The following PPP2R2C variants were observed in gnomAD, a reference collection of about 807,000 sequenced individuals.
The protein encoded by PPP2R2C is protein phosphatase 2, regulatory subunit B, gamma.
A neutral mutation model predicts 45.3 loss-of-function variants in PPP2R2C; 10 were observed. That is an observed-to-expected ratio of 0.22 (90% confidence interval 0.14 to 0.37). The LOEUF (loss-of-function observed/expected upper bound fraction) is 0.37, where lower values mean the gene tolerates loss of function less well. Ranked by LOEUF, PPP2R2C falls within the 10% of genes least tolerant of loss-of-function variation. The pLI is 1.00. For missense variants in PPP2R2C, 308 were observed against 619.7 expected (o/e 0.50, Z 5.34); for synonymous variants, 257 against 245.4 (o/e 1.05, Z -0.44).
intron 5 of PPP2R2C, among the ~76,000 whole-genome samples, chr4:6,353,377 G>GTCCCCATACTGACAGCC (rs1553886711): frequency 5.0e-4 from 9 of 18,000 alleles, no homozygotes; most frequent in African/African-American, 1.9e-3. Flanking sequence ...CCAACCAACA[G>GTCCCCATACTGACAGCC]CCCCCACACT....
chr4:6,329,176 G>A lies in PPP2R2C; in HGVS notation c.1052+86C>T, dbSNP rs1363914106. On this transcript the variant is annotated intron_variant, in intron 8 of 8. Transcript: ENST00000382599. This position sits in a 1 kb window ranked among gnomAD's most constrained non-coding sequence, Gnocchi z 5.8. ...TTGAGGCTGAGTAGCCCCATGCTGC[G>A]GGTCACCGGAATCCCAGCCCAGACC... is the stretch of plus-strand genomic sequence containing the variant. The A allele has an allele frequency of 1.3e-5, 17 of 1,288,268 alleles. No individual in the cohort carries two copies. Among genetic ancestry groups the A allele is most frequent in the East Asian group, 9.7e-5 (4 of 41,432 alleles). 79.8% of individuals were successfully genotyped at this position (1,288,268 alleles called of 1,614,324 possible).
At chr4:6,335,930 C>A (rs56342727) in intron 6 of PPP2R2C, among the ~76,000 whole-genome samples, 2 of 151,888 alleles carry the variant, frequency 1.3e-5, no homozygotes, top group Non-Finnish European at 2.9e-5. Context: ...GATCTATATC[C>A]CTGTCCTTAG....
At chr4:6,493,142 G>A (rs1163043774) in intron 2 of PPP2R2C, among the ~76,000 whole-genome samples, 1 of 152,026 alleles carries the variant, frequency 6.6e-6, no homozygotes, top group African/African-American at 2.4e-5. Context: ...TGACTCAAAT[G>A]TCACCTTCCT....
At chr4:6,323,703 C>T (rs981132236) in intron 8 of PPP2R2C, 110 bp from the exon 9 acceptor site, 23 of 1,151,702 alleles carry the variant, frequency 2.0e-5, no homozygotes, top group Middle Eastern at 5.6e-4. Context: ...TGGGAGGCCC[C>T]GGTGGGAGGA....
At chr4:6,437,083 C>T (rs554215732) in intron 1 of PPP2R2C, among the ~76,000 whole-genome samples, 3 of 152,200 alleles carry the variant, frequency 2.0e-5, no homozygotes, top group African/African-American at 4.8e-5. Context: ...CTTGCCAGCA[C>T]GCCACAGTCC....
intron 2 of PPP2R2C, among the ~76,000 whole-genome samples, chr4:6,528,529 G>C (rs1724289636): frequency 7.2e-6 from 1 of 139,020 alleles, no homozygotes; most frequent in African/African-American, 2.9e-5. Context: ...TGGCGTCTGA[G>C]AGCCAGTGTG....
intron 2 of PPP2R2C, among the ~76,000 whole-genome samples, chr4:6,529,169 T>C (rs986029449): frequency 3.9e-5 from 6 of 152,224 alleles, no homozygotes; most frequent in Admixed American, 6.5e-5. Flanking sequence ...CCTGAACATC[T>C]GGCAGCCTCA....
Position 6,350,652 on chromosome 4 carries a change from A to G in PPP2R2C, c.626-2642T>C, listed in dbSNP as rs530830610. 1.3e-5 allele frequency: 12 copies of G among 926,570 alleles called. No homozygotes were observed. The East Asian group carries it at 1.7e-3, about 131-fold the overall frequency. The allele number at this position is 926,570 out of a possible 1,614,324, so 57.4% of individuals were successfully genotyped here. A position where few individuals can be genotyped will look rare whatever the true frequency, so the allele number is the denominator to read the frequency against. ...TGCTGACACCCAGGGGGTTCTCTGA[A>G]CATTCCAGGTTCTCTCCCAAGGGGA... On this transcript the variant is annotated intron_variant, in intron 5 of 8. Coordinates refer to ENST00000382599, the MANE Select transcript of PPP2R2C (RefSeq NM_020416.4).
intron 1 of PPP2R2C, among the ~76,000 whole-genome samples, chr4:6,400,565 C>T (rs989440969): frequency 2.6e-5 from 4 of 152,254 alleles, no homozygotes; most frequent in Middle Eastern, 3.4e-3. Flanking sequence ...AACCATTGCC[C>T]TAAAAGTACA....
chr4:6,475,082 C>T (rs1403318918), upstream of PPP2R2C, among the ~76,000 whole-genome samples: 1 of 152,220 alleles, frequency 6.6e-6, no homozygotes, highest in Non-Finnish European at 1.5e-5. Context: ...GCTCTGCTCT[C>T]GTGGAGCTGG....
chr4:6,362,453 G>A (rs907905109), intron 5 of PPP2R2C, among the ~76,000 whole-genome samples: 6 of 152,204 alleles, frequency 3.9e-5, no homozygotes, highest in Admixed American at 1.3e-4. Context: ...CAGGGCAAAC[G>A]TGAGGACTGC....
intron 1 of PPP2R2C, among the ~76,000 whole-genome samples, chr4:6,400,965 A>G (rs1560517329): frequency 6.6e-6 from 1 of 152,230 alleles, no homozygotes; most frequent in Non-Finnish European, 1.5e-5. Context: ...CTCCATTCAT[A>G]TAGACAGTGT....
intron 1 of PPP2R2C, among the ~76,000 whole-genome samples, chr4:6,537,236 A>G (rs1280138154): frequency 1.3e-5 from 2 of 152,166 alleles, no homozygotes; most frequent in Non-Finnish European, 2.9e-5. Flanking sequence ...CAAAGGGGAA[A>G]AAATCAAGGT....
At chr4:6,521,254 G>A (rs1405409425) in intron 2 of PPP2R2C, among the ~76,000 whole-genome samples, 1 of 152,198 alleles carries the variant, frequency 6.6e-6, no homozygotes, top group Non-Finnish European at 1.5e-5. Flanking sequence ...GCTGGTGAGG[G>A]CTTTTGGGGC....
intron 1 of PPP2R2C, chr4:6,414,074 GTA>G (rs1553896122): frequency 0.031 from 29,961 of 978,356 alleles, 2,582 homozygotes; most frequent in Admixed American, 0.12. Context: ...TTTTGCCTGT[GTA>G]TGTGTGTGTG....
At chr4:6,439,309 G>A (rs990532904) in intron 1 of PPP2R2C, among the ~76,000 whole-genome samples, 3 of 152,204 alleles carry the variant, frequency 2.0e-5, no homozygotes, top group Non-Finnish European at 2.9e-5. Flanking sequence ...GCACACTCTT[G>A]TAGAAATGAC....
At chr4:6,416,233 G>A (rs1718574864) in intron 1 of PPP2R2C, among the ~76,000 whole-genome samples, 2 of 103,348 alleles carry the variant, frequency 1.9e-5, no homozygotes, top group Non-Finnish European at 4.3e-5. Context: ...GCCCTGGGGT[G>A]GCTTCCTTAG....
At chr4:6,539,484 T>C (rs1724737897) in intron 1 of PPP2R2C, among the ~76,000 whole-genome samples, 1 of 152,206 alleles carries the variant, frequency 6.6e-6, no homozygotes, top group African/African-American at 2.4e-5. Context: ...CCGGTCTCTC[T>C]CCCAAGTCTA....
At chr4:6,336,166 T>G (rs1732829687) in intron 6 of PPP2R2C, among the ~76,000 whole-genome samples, 1 of 152,022 alleles carries the variant, frequency 6.6e-6, no homozygotes, top group South Asian at 2.1e-4. Context: ...AACTCAAAAC[T>G]GACAGTAGGC....
Sources: gnomAD v4.1 joint callset for allele counts (sites outside exome capture counted in the v4.1 genomes callset) on GRCh38, gnomAD v4.1.1 for gene constraint, Gnocchi (gnomAD v3.1) non-coding constraint, MANE v1.5 for transcripts, NCBI Gene and HGNC (gene_info 2026-07-23, HGNC 2026-07-21) for gene names.